The following OPCML variants were observed in gnomAD, a reference collection of about 807,000 sequenced individuals.
OPCML encodes opioid-binding protein/cell adhesion molecule.
OPCML carries 13 observed loss-of-function variants against 37.8 expected under a neutral mutation model. The ratio of observed to expected loss-of-function variants is 0.34; its 90% CI spans 0.22 to 0.55. The LOEUF (loss-of-function observed/expected upper bound fraction) is 0.55, where lower values mean the gene tolerates loss of function less well. OPCML is among the 20% of genes least tolerant of loss of function. OPCML has a pLI of 0.91. For missense variants in OPCML, 341 were observed against 435.6 expected (o/e 0.78, Z 1.93); for synonymous variants, 176 against 168.8 (o/e 1.04, Z -0.33).
At chr11:132,890,778 C>A (rs1373771837) in intron 2 of OPCML, among the ~76,000 whole-genome samples, 6 of 149,530 alleles carry the variant, frequency 4.0e-5, no homozygotes, top group African/African-American at 1.5e-4. Flanking sequence ...AATGGCGTGA[C>A]CCCGGGAAGC....
rs150118224 is a variant in OPCML at position 133,108,687 on chromosome 11, A to C, written c.62-165677T>G. ...TCAGATCCCCTTTACTCTTCTGTTC[A>C]TTGTCTGCAAGTATACCACACTTGC... On this transcript the variant is annotated intron_variant, in intron 1 of 7. Coordinates refer to ENST00000524381, the MANE Select transcript of OPCML (RefSeq NM_001012393.5). 5.4e-3 allele frequency among the ~76,000 whole-genome samples: 822 copies of C among 152,172 alleles called. 7 individuals are homozygous for C. Among genetic ancestry groups the C allele is most frequent in the African/African-American group, 0.018 (755 of 41,494 alleles).
intron 3 of OPCML, among the ~76,000 whole-genome samples, chr11:132,551,006 A>G (rs1157893402): frequency 2.6e-5 from 4 of 152,228 alleles, no homozygotes; most frequent in African/African-American, 9.6e-5. Context: ...ACAAATCAGT[A>G]AAGCACCACT....
At chr11:133,483,160 T>A (rs1419781642) in intron 1 of OPCML, among the ~76,000 whole-genome samples, 1 of 152,098 alleles carries the variant, frequency 6.6e-6, no homozygotes, top group Non-Finnish European at 1.5e-5. Context: ...AGAAAATTAT[T>A]TAGTAATTAG....
chr11:133,147,069 C>G (rs1202257328), intron 1 of OPCML, among the ~76,000 whole-genome samples: 1 of 152,198 alleles, frequency 6.6e-6, no homozygotes, highest in East Asian at 1.9e-4. Context: ...GAACAGAACT[C>G]CTTCAGTCAG....
chr11:133,289,956 G>A (rs915517448), intron 1 of OPCML, among the ~76,000 whole-genome samples: 2 of 152,146 alleles, frequency 1.3e-5, no homozygotes, highest in African/African-American at 2.4e-5. Flanking sequence ...TCACTGTGGA[G>A]GCAACTGAGG....
At chr11:133,402,907 T>C (rs1945439738) in intron 1 of OPCML, among the ~76,000 whole-genome samples, 1 of 152,202 alleles carries the variant, frequency 6.6e-6, no homozygotes. Context: ...AGTGCTGATT[T>C]TCTCCTCTAA....
At chr11:133,478,492 G>A (rs1947294327) in intron 1 of OPCML, among the ~76,000 whole-genome samples, 1 of 152,052 alleles carries the variant, frequency 6.6e-6, no homozygotes, top group South Asian at 2.1e-4. Context: ...GAGAAGGAAT[G>A]GCTCACAGCA....
chr11:133,354,905 T>C (rs182709050), intron 1 of OPCML, among the ~76,000 whole-genome samples: 28 of 152,270 alleles, frequency 1.8e-4, no homozygotes. Context: ...CTCAAATAAG[T>C]TGTAAAAAGT....
At chr11:132,886,295 A>G (rs562720433) in intron 2 of OPCML, among the ~76,000 whole-genome samples, 27 of 152,354 alleles carry the variant, frequency 1.8e-4, no homozygotes, top group African/African-American at 6.5e-4. Context: ...GAACTTGAAC[A>G]ACAACCATGC....
intron 1 of OPCML, among the ~76,000 whole-genome samples, chr11:133,406,781 G>T (rs767231758): frequency 6.6e-6 from 1 of 152,320 alleles, no homozygotes; most frequent in South Asian, 2.1e-4. Flanking sequence ...CACTATCTTT[G>T]TGAAATCAGC....
Position 133,174,098 on chromosome 11 carries a change from A to C in OPCML, c.62-231088T>G, listed in dbSNP as rs189064144. 3.3e-5 allele frequency among the ~76,000 whole-genome samples: 5 copies of C among 152,330 alleles called. No homozygotes were observed. Among genetic ancestry groups the C allele is most frequent in the African/African-American group, 1.2e-4 (5 of 41,582 alleles). On this transcript the variant is annotated intron_variant, in intron 1 of 7. Coordinates refer to ENST00000524381, the MANE Select transcript of OPCML (RefSeq NM_001012393.5). This position sits in a 1 kb window ranked among gnomAD's most constrained non-coding sequence, Gnocchi z 4.6. ...TCCTGTGAGATGCCTCGTTTGATTA[A>C]TTTATGTCAGCGTTTTCTGTGTTGT...
intron 1 of OPCML, among the ~76,000 whole-genome samples, chr11:133,258,064 C>T (rs997552665): frequency 2.6e-5 from 4 of 152,160 alleles, no homozygotes; most frequent in Non-Finnish European, 5.9e-5. Context: ...GGGCCCATAG[C>T]CCTTCTCTTC....
At chr11:133,509,247 T>G (rs972238733) in intron 1 of OPCML, among the ~76,000 whole-genome samples, 1 of 152,134 alleles carries the variant, frequency 6.6e-6, no homozygotes, top group Non-Finnish European at 1.5e-5. Flanking sequence ...CAGGCCCCAT[T>G]CTGTGATGTT....
intron 2 of OPCML, among the ~76,000 whole-genome samples, chr11:132,683,974 A>C (rs1270209797): frequency 6.6e-6 from 1 of 152,088 alleles, no homozygotes; most frequent in Non-Finnish European, 1.5e-5. Context: ...TCCCTTTCTG[A>C]ATATTTGTCT....
chr11:133,210,591 T>C (rs1273274619), intron 1 of OPCML, among the ~76,000 whole-genome samples: 2 of 152,224 alleles, frequency 1.3e-5, no homozygotes, highest in Admixed American at 6.5e-5. Context: ...GGACATTTTT[T>C]CTTTGTTCCC....
intron 1 of OPCML, among the ~76,000 whole-genome samples, chr11:133,531,610 C>T (rs765470700): frequency 6.6e-6 from 1 of 151,444 alleles, no homozygotes; most frequent in Non-Finnish European, 1.5e-5. Flanking sequence ...GCCTGTGTTA[C>T]AACAAGAAAT....
In OPCML at chr11:132,752,373, C is replaced by T. The variant is rs1488916222; in HGVS notation, c.147-95054G>A. Among the ~76,000 whole-genome samples, 3 of 152,084 alleles carry T rather than the reference C, an allele frequency of 2.0e-5. 1 individual carries two copies. The highest frequency in any genetic ancestry group is 2.0e-4 in the Admixed American group (3 of 15,256). On this transcript the variant is annotated intron_variant, in intron 2 of 7. Transcript: ENST00000524381. ...ACATCTTTGTCTGAAACCTTAGTTCCAGGAACCACTTACAGGCTTTCATCA... is the reference window on the plus strand; with the variant it reads ...ACATCTTTGTCTGAAACCTTAGTTCTAGGAACCACTTACAGGCTTTCATCA...
intron 1 of OPCML, among the ~76,000 whole-genome samples, chr11:132,996,404 G>A (rs1269176466): frequency 6.6e-6 from 1 of 150,882 alleles, no homozygotes; most frequent in Non-Finnish European, 1.5e-5. Context: ...CAGATCTGAA[G>A]TCAGGAGTTC....
intron 1 of OPCML, among the ~76,000 whole-genome samples, chr11:132,961,597 C>G (rs922431755): frequency 4.6e-5 from 7 of 152,298 alleles, no homozygotes; most frequent in Admixed American, 3.9e-4. Flanking sequence ...TATAAATAGG[C>G]CCACAGGGCC....
Sources: gnomAD v4.1 joint callset for allele counts (sites outside exome capture counted in the v4.1 genomes callset) on GRCh38, gnomAD v4.1.1 for gene constraint, Gnocchi (gnomAD v3.1) non-coding constraint, MANE v1.5 for transcripts, NCBI Gene and HGNC (gene_info 2026-07-23, HGNC 2026-07-21) for gene names.